ACSS3: variants seen among roughly 807,000 people sequenced by gnomAD.
ACSS3 encodes the protein acyl-CoA synthetase short-chain family member 3, mitochondrial.
Under a neutral mutation model 84.2 loss-of-function variants are expected in ACSS3, and 64 were observed. That is an observed-to-expected ratio of 0.76 (90% CI 0.62 to 0.94). The LOEUF (loss-of-function observed/expected upper bound fraction) is 0.94. Among genes scored for constraint, ACSS3 ranks in the 40% least tolerant of loss-of-function variants. The pLI is 0.00. For missense variants in ACSS3, 815 were observed against 867.6 expected, an observed-to-expected ratio of 0.94 and a Z score of 0.76; for synonymous variants, 317 against 310.1, an observed-to-expected ratio of 1.02 and a Z score of -0.23.
chr12:81,205,874 T>A (rs1448255039), intron 9 of ACSS3, among the ~76,000 whole-genome samples: 3 of 152,154 alleles, frequency 2.0e-5, no homozygotes, highest in Non-Finnish European at 4.4e-5. Flanking sequence ...TGTGTTAGCG[T>A]GTGACTTTCT....
rs1438014518 is a variant in ACSS3 at position 81,253,649 on chromosome 12, T to A, written c.1974T>A (p.Ile658=). The A allele has an allele frequency of 6.2e-7, 1 of 1,613,674 alleles. No homozygotes were observed. Residue 658 remains isoleucine (I), a synonymous_variant, in exon 15 of 16, where the codon ATT becomes ATA. Transcript: ENST00000548058. ...TCCCCCGATCAGCTTTATCTGCCAT[T>A]GTCAATGGCAAGCCATACAAGGTAA... is the stretch of plus-strand genomic sequence containing the variant. The part of the protein sequence containing the change: ...GKIPRSALSA[I]VNGKPYKITS...
rs942703199 is a variant in ACSS3, at chr12:81,188,331, A to T, written c.1251-11010A>T. ...ATTTCATATGAAGTAGAAGTAATTTAATAGGGAACTATGCATACATTTATA... is the reference window on the plus strand; with the variant it reads ...ATTTCATATGAAGTAGAAGTAATTTTATAGGGAACTATGCATACATTTATA... On this transcript the variant is annotated intron_variant, in intron 8 of 15. Coordinates refer to ENST00000548058, the MANE Select transcript of ACSS3 (RefSeq NM_024560.4). 5.3e-5 allele frequency among the ~76,000 whole-genome samples: 8 copies of T among 152,156 alleles called. No individual in the cohort carries two copies. In the East Asian group the frequency reaches 1.5e-3, roughly 29 times the overall value.
intron 7 of ACSS3, among the ~76,000 whole-genome samples, chr12:81,161,155 C>A (rs996431030): frequency 6.6e-6 from 1 of 152,182 alleles, no homozygotes; most frequent in Non-Finnish European, 1.5e-5. Flanking sequence ...CTTTCAAAGT[C>A]TGTTTGTCCT....
chr12:81,080,141 A>G (rs1880877904), intron 1 of ACSS3, among the ~76,000 whole-genome samples: 1 of 152,130 alleles, frequency 6.6e-6, no homozygotes, highest in Non-Finnish European at 1.5e-5. Flanking sequence ...GGTATATTCT[A>G]AATGAAAAAC....
chr12:81,106,349 G>A lies in ACSS3; in HGVS notation c.312-3211G>A, dbSNP rs374932225. Among the ~76,000 whole-genome samples the A allele has an allele frequency of 1.7e-4, 26 of 152,256 alleles. No homozygotes were observed. The East Asian group carries it at 4.4e-3, about 26-fold the overall frequency. ...AGAATCTAATGCCTGATGATTTGTCGCTGTCTTCCATCACCCCAAGATGGG... is the reference window on the plus strand; with the variant it reads ...AGAATCTAATGCCTGATGATTTGTCACTGTCTTCCATCACCCCAAGATGGG... On this transcript the variant is annotated intron_variant, in intron 1 of 15. Transcript: ENST00000548058.
rs562736780 is a variant in ACSS3 at position 81,179,726 on chromosome 12, G to A, written c.1250+4787G>A. Among the ~76,000 whole-genome samples, 107 of 140,326 alleles carry A rather than the reference G, an allele frequency of 7.6e-4. 3 individuals carry two copies. The South Asian group carries it at 0.021, about 27-fold the overall frequency. 92.1% of individuals were successfully genotyped at this position (140,326 alleles called of 152,430 possible). Reference sequence around the variant, plus strand: ...GTGGAGCTTGCAGTGAGCTGAGATCGCGCCACTGCACTCCAGCACTCCAGC... The same window carrying A: ...GTGGAGCTTGCAGTGAGCTGAGATCACGCCACTGCACTCCAGCACTCCAGC... On this transcript the variant is annotated intron_variant, in intron 8 of 15. Coordinates refer to ENST00000548058, the MANE Select transcript of ACSS3 (RefSeq NM_024560.4).
chr12:81,143,310 G>C (rs2135733125), intron 5 of ACSS3, 63 bp downstream of exon 5: 2 of 1,383,480 alleles, frequency 1.4e-6, no homozygotes, highest in South Asian at 3.3e-5. Flanking sequence ...AAGAATGTTT[G>C]ATCACTGACT....
chr12:81,098,468 G>A (rs1882248368), intron 1 of ACSS3, among the ~76,000 whole-genome samples: 1 of 152,056 alleles, frequency 6.6e-6, no homozygotes, highest in South Asian at 2.1e-4. Context: ...TTAGCCTGTG[G>A]TGAAATTAGT....
chr12:81,133,765 C>T (rs1885646718), intron 2 of ACSS3, among the ~76,000 whole-genome samples: 1 of 152,040 alleles, frequency 6.6e-6, no homozygotes, highest in South Asian at 2.1e-4. Flanking sequence ...AGTATTTTCT[C>T]TGCTAAAGTA....
At chr12:81,097,975 A>G (rs1466068117) in intron 1 of ACSS3, among the ~76,000 whole-genome samples, 1 of 152,078 alleles carries the variant, frequency 6.6e-6, no homozygotes, top group African/African-American at 2.4e-5. Flanking sequence ...AGTGGAAAAA[A>G]AAAAGAACAA....
At chr12:81,092,595 C>T (rs1443632669) in intron 1 of ACSS3, among the ~76,000 whole-genome samples, 1 of 151,940 alleles carries the variant, frequency 6.6e-6, no homozygotes, top group East Asian at 1.9e-4. Context: ...TTAATTTTAT[C>T]CCTTTGTGCA....
intron 8 of ACSS3, among the ~76,000 whole-genome samples, chr12:81,181,747 C>CAAAAAAAAAAAAAAAAAA (rs59878486): frequency 6.3e-5 from 3 of 47,908 alleles, no homozygotes; most frequent in African/African-American, 1.9e-4. Context: ...ATCAATTAAG[C>CAAAAAAAAAAAAAAAAAA]AAAAAAAAAA....
chr12:81,134,724 C>A, intron 2 of ACSS3, 92 bp from the exon 3 acceptor site: 1 of 1,161,560 alleles, frequency 8.6e-7, no homozygotes, highest in Non-Finnish European at 1.1e-6. Context: ...TACTACCAAG[C>A]GGGTGATCAG....
At chr12:81,215,453 A>G (rs377664326) in intron 9 of ACSS3, among the ~76,000 whole-genome samples, 69 of 152,312 alleles carry the variant, frequency 4.5e-4, no homozygotes, top group Admixed American at 1.4e-3. Context: ...AAATGTGAAT[A>G]ATAAAATGAA....
intron 13 of ACSS3, among the ~76,000 whole-genome samples, chr12:81,246,283 C>T (rs2033982831): frequency 6.6e-6 from 1 of 152,142 alleles, no homozygotes; most frequent in Non-Finnish European, 1.5e-5. Context: ...TTCTGCAGCT[C>T]TGTAGAGAGA....
At chr12:81,127,296 C>A (rs1885166292) in intron 2 of ACSS3, among the ~76,000 whole-genome samples, 1 of 151,754 alleles carries the variant, frequency 6.6e-6, no homozygotes, top group South Asian at 2.1e-4. Flanking sequence ...AATTCTCTTC[C>A]AAAAAAGATA....
chr12:81,142,316 C>G (rs1452030923), intron 4 of ACSS3, among the ~76,000 whole-genome samples: 1 of 152,172 alleles, frequency 6.6e-6, no homozygotes, highest in Non-Finnish European at 1.5e-5. Context: ...TTTTAATGGG[C>G]ATTAACTCTA....
chr12:81,205,672 G>T (rs1433577231), intron 9 of ACSS3, among the ~76,000 whole-genome samples: 2 of 151,892 alleles, frequency 1.3e-5, no homozygotes, highest in Non-Finnish European at 2.9e-5. Flanking sequence ...CTCTTCCATT[G>T]TTCCTCCTGA....
intron 4 of ACSS3, among the ~76,000 whole-genome samples, chr12:81,142,570 A>G (rs1222364585): frequency 6.6e-6 from 1 of 152,196 alleles, no homozygotes; most frequent in African/African-American, 2.4e-5. Context: ...GTCTTCAAAA[A>G]GGAATAGTAG....
Sources: gnomAD v4.1 joint callset for allele counts (sites outside exome capture counted in the v4.1 genomes callset) on GRCh38, gnomAD v4.1.1 for gene constraint, MANE v1.5 for transcripts, NCBI Gene and HGNC (gene_info 2026-07-23, HGNC 2026-07-21) for gene names.